ADCY10: variants seen among roughly 807,000 people sequenced by gnomAD.
ADCY10 encodes the protein adenylate cyclase 10.
A neutral mutation model predicts 183.3 loss-of-function variants in ADCY10; 156 were observed. The observed-to-expected ratio is 0.85, with a 90% CI of 0.75 to 0.97. The LOEUF is 0.97. Among genes scored for constraint, ADCY10 ranks in the 50% least tolerant of loss-of-function variants. The probability of loss-of-function intolerance (pLI) is 0.00; values close to 1 mark genes in which losing one functional copy is unlikely to be tolerated. For missense variants in ADCY10, 1,745 were observed against 1,934.3 expected, an observed-to-expected ratio of 0.90 and a Z score of 1.84; for synonymous variants, 645 against 670.0, an observed-to-expected ratio of 0.96 and a Z score of 0.58.
chr1:167,900,419 G>T lies in ADCY10; in HGVS notation c.437-791C>A, dbSNP rs143077564. On this transcript the variant is annotated intron_variant, in intron 5 of 32. Coordinates refer to ENST00000367851, the MANE Select transcript of ADCY10 (RefSeq NM_018417.6). Reference sequence around the variant, plus strand: ...CCAATCAGCATGCAAGAGGGGGCTGGGTTCCCATCATTCTCAAGAAGGATA... The same window carrying T: ...CCAATCAGCATGCAAGAGGGGGCTGTGTTCCCATCATTCTCAAGAAGGATA... Among the ~76,000 whole-genome samples the T allele has an allele frequency of 2.2e-3, 329 of 152,154 alleles. 1 individual carries two copies. The highest frequency in any genetic ancestry group is 7.6e-3 in the African/African-American group (315 of 41,500).
chr1:167,879,357 C>T (rs1340276003), intron 11 of ADCY10, among the ~76,000 whole-genome samples: 2 of 152,150 alleles, frequency 1.3e-5, no homozygotes, highest in Non-Finnish European at 2.9e-5. Context: ...ATTAATATTA[C>T]TACAAATGAG....
At chr1:167,877,778 G>A (rs1013877969) in intron 12 of ADCY10, among the ~76,000 whole-genome samples, 2 of 152,148 alleles carry the variant, frequency 1.3e-5, no homozygotes, top group African/African-American at 4.8e-5. Flanking sequence ...GAATGTCTAT[G>A]AATCCCTCGA....
intron 23 of ADCY10, 74 bp downstream of exon 23, chr1:167,836,235 C>A: frequency 1.0e-6 from 1 of 990,522 alleles, no homozygotes; most frequent in Non-Finnish European, 1.6e-6. Flanking sequence ...AGAAAGCATG[C>A]TGGAGCTTCC....
intron 26 of ADCY10, among the ~76,000 whole-genome samples, chr1:167,826,226 G>C (rs1260463815): frequency 6.6e-6 from 1 of 152,206 alleles, no homozygotes; most frequent in Non-Finnish European, 1.5e-5. Context: ...AAATGGTGGT[G>C]GGGGAAGAGA....
In ADCY10 at chr1:167,880,202, G is replaced by A. The variant is rs1415224858; in HGVS notation, c.1140-11C>T. On this transcript the variant is annotated splice_polypyrimidine_tract_variant and intron_variant, in intron 10 of 32. Transcript: ENST00000367851. ...CCGATGGATACAGTTCTGGTGCAGG[G>A]GAGACAAGATTTGTGGGGAAAGAAA... The A allele has an allele frequency of 6.2e-7, 1 of 1,609,618 alleles. No individual in the cohort carries two copies.
In ADCY10 at chr1:167,829,304, T is replaced by C; in HGVS notation, c.3713A>G (p.Gln1238Arg). The change falls in exon 26 of 33, where the codon CAA becomes CGA. Residue 1238 changes from glutamine (Q) to arginine (R), a missense_variant. Gln to Arg is a conservative substitution (Grantham distance 43, BLOSUM62 1). Transcript: ENST00000367851. ...TTGAGTTTCCAGTGCAGTATTCATT[T>C]GCATCATAACTGCCAGGTGGGCATA... ...KYYAHLAVMM[Q>R]MNTALETQNC... The C allele has an allele frequency of 6.2e-7, 1 of 1,614,142 alleles. No individual in the cohort carries two copies. Among genetic ancestry groups the C allele is most frequent in the Non-Finnish European group, 8.5e-7 (1 of 1,179,952 alleles).
At chr1:167,843,185 C>G (rs991579541) in intron 21 of ADCY10, among the ~76,000 whole-genome samples, 1 of 152,140 alleles carries the variant, frequency 6.6e-6, no homozygotes, top group African/African-American at 2.4e-5. Flanking sequence ...GGAAAATCTG[C>G]AAATAACTGA....
chr1:167,829,194 A>C, intron 26 of ADCY10, 73 bp downstream of exon 26: 1 of 1,565,276 alleles, frequency 6.4e-7, no homozygotes, highest in Non-Finnish European at 8.8e-7. Flanking sequence ...TTGAATCCTA[A>C]TTGGCTTTCA....
intron 1 of ADCY10, among the ~76,000 whole-genome samples, chr1:167,912,603 C>T (rs926419249): frequency 6.6e-5 from 10 of 152,252 alleles, no homozygotes; most frequent in Admixed American, 2.6e-4. Flanking sequence ...ACGTCCACCC[C>T]ACTGGGGGTT....
chr1:167,864,595 G>A (rs1483127773), intron 14 of ADCY10, among the ~76,000 whole-genome samples: 1 of 152,124 alleles, frequency 6.6e-6, no homozygotes, highest in Non-Finnish European at 1.5e-5. Flanking sequence ...AAGAGAGAGA[G>A]AGGGAGAGAG....
chr1:167,913,134 GGTACT>G (rs541192101), intron 1 of ADCY10, among the ~76,000 whole-genome samples: 134 of 152,292 alleles, frequency 8.8e-4, no homozygotes, highest in Non-Finnish European at 1.7e-3. Context: ...GAACAGCATG[GGTACT>G]GACAAAGCGC....
At chr1:167,873,027 G>A (rs545015225) in intron 13 of ADCY10, among the ~76,000 whole-genome samples, 3 of 151,768 alleles carry the variant, frequency 2.0e-5, no homozygotes, top group East Asian at 1.9e-4. Flanking sequence ...CTGAGATCGC[G>A]CCACTGCACT....
rs755719388 is a variant in ADCY10 at position 167,846,061 on chromosome 1, T to C, written c.2640A>G (p.Gln880=). ...FYCFRNGKEL[Q]KALKQNDPSF... ...AGGGATCATTCTGTTTCAGGGCCTT[T>C]TGAAGCTCCTTGCCATTCCGGAAAC... Residue 880 remains glutamine (Q), a synonymous_variant, in exon 20 of 33, where the codon CAA becomes CAG. Coordinates refer to ENST00000367851, the MANE Select transcript of ADCY10 (RefSeq NM_018417.6). 3 of 1,614,226 alleles carry C rather than the reference T, an allele frequency of 1.9e-6. No homozygotes were observed. In the South Asian group the frequency reaches 3.3e-5, roughly 18 times the overall value.
chr1:167,848,278 T>C (rs1665195860), intron 19 of ADCY10, 83 bp downstream of exon 19: 1 of 1,188,148 alleles, frequency 8.4e-7, no homozygotes, highest in Admixed American at 1.8e-5. Flanking sequence ...CTCAAACTCC[T>C]GACCTTGTGA....
At chr1:167,833,263 AAG>A (rs1169676413) in intron 24 of ADCY10, 101 bp from the exon 25 acceptor site, 1 of 1,172,476 alleles carries the variant, frequency 8.5e-7, no homozygotes, top group Non-Finnish European at 1.3e-6. Flanking sequence ...CTTATCAAAA[AAG>A]GTAATTTATG....
At position 167,824,585 on chromosome 1, in the gene ADCY10, C is replaced by T. The variant is rs1007982427; in HGVS notation, c.3956-13G>A. ...AGGGCTCGGGAGCCTGGGAAGAAAA[C>T]AATTCCAGTATATTGTGGGGCATTC... is the stretch of plus-strand genomic sequence containing the variant. On this transcript the variant is annotated splice_polypyrimidine_tract_variant and intron_variant, in intron 27 of 32. Transcript: ENST00000367851. 1 of 1,614,206 alleles carries T rather than the reference C, an allele frequency of 6.2e-7. No homozygotes were observed. The highest frequency in any genetic ancestry group is 1.6e-4 in the Middle Eastern group (1 of 6,062).
At chr1:167,830,564 T>C (rs1360740587) in intron 25 of ADCY10, among the ~76,000 whole-genome samples, 1 of 152,100 alleles carries the variant, frequency 6.6e-6, no homozygotes, top group Non-Finnish European at 1.5e-5. Context: ...GCTAATTATT[T>C]TGTGTTTTTG....
chr1:167,860,168 T>C (rs944987486), intron 15 of ADCY10, among the ~76,000 whole-genome samples: 1 of 152,160 alleles, frequency 6.6e-6, no homozygotes, highest in Non-Finnish European at 1.5e-5. Context: ...AATGAAATAA[T>C]TATACAACTC....
chr1:167,853,920 C>A (rs1344288674), intron 18 of ADCY10, among the ~76,000 whole-genome samples: 2 of 143,724 alleles, frequency 1.4e-5, no homozygotes, highest in Non-Finnish European at 3.0e-5. Context: ...CTCACTTCAA[C>A]CTCCACCTCC....
Sources: allele counts gnomAD v4.1 joint callset (sites outside exome capture counted in the v4.1 genomes callset), GRCh38; gene constraint gnomAD v4.1.1; transcripts MANE v1.5; gene names NCBI Gene and HGNC (gene_info 2026-07-23, HGNC 2026-07-21).